Variants in INO80 observed in about 807,000 individuals in gnomAD.
INO80 encodes INO80 complex ATPase subunit.
In INO80, 20 loss-of-function variants were observed where a neutral mutation model predicts 203.4. That is an observed-to-expected ratio of 0.10 (90% CI 0.07 to 0.14). INO80 has a LOEUF of 0.14. INO80 is among the 10% of genes least tolerant of loss of function. The pLI is 1.00. For missense variants in INO80, 1,419 were observed against 1,914.4 expected (o/e 0.74, Z 4.83); for synonymous variants, 726 against 685.2 (o/e 1.06, Z -0.93).
intron 14 of INO80, among the ~76,000 whole-genome samples, chr15:41,063,207 G>A (rs1210021465): frequency 1.3e-5 from 2 of 151,598 alleles, no homozygotes; most frequent in African/African-American, 4.9e-5. Flanking sequence ...TGTGGTGGTA[G>A]GTGCCTGTTA....
chr15:41,000,296 G>C (rs1385613789), intron 28 of INO80, among the ~76,000 whole-genome samples: 1 of 152,154 alleles, frequency 6.6e-6, no homozygotes, highest in Non-Finnish European at 1.5e-5. Context: ...ATATGAGCAT[G>C]GGGTAGGCGT....
chr15:41,021,492 T>C (rs888526664), intron 25 of INO80, among the ~76,000 whole-genome samples: 3 of 152,232 alleles, frequency 2.0e-5, no homozygotes, highest in Admixed American at 6.5e-5. Context: ...ACCATATGCA[T>C]GATGGTGATG....
chr15:41,074,495 C>A lies in INO80; in HGVS notation c.1202G>T (p.Arg401Leu). 6.2e-7 allele frequency: 1 copy of A among 1,613,694 alleles called. No homozygotes were observed. ...QTELYAHFMS[R>L]KRDMGHDGIQ... ...ACCATCATGACCCATATCTCGTTTG[C>A]GACTCATGAAATGGGCATACAACTC... The change falls in exon 10 of 36, where the codon CGC becomes CTC. Residue 401 changes from arginine (R) to leucine (L), a missense_variant. Coordinates refer to ENST00000648947, the MANE Select transcript of INO80 (RefSeq NM_017553.3).
chr15:40,984,513 A>C (rs1260978342), intron 32 of INO80, among the ~76,000 whole-genome samples, 161 bp from the exon 33 acceptor site: 1 of 152,190 alleles, frequency 6.6e-6, no homozygotes, highest in Non-Finnish European at 1.5e-5. Flanking sequence ...AAGAAGGGAT[A>C]GCTTAACAGG....
chr15:41,027,763 C>G (rs1566917164), intron 24 of INO80, 27 bp from the exon 25 acceptor site: 1 of 1,543,590 alleles, frequency 6.5e-7, no homozygotes. Flanking sequence ...CAAATGAATG[C>G]CAACTATAAT....
chr15:41,041,071 C>T (rs1233281079), intron 24 of INO80, among the ~76,000 whole-genome samples: 2 of 152,100 alleles, frequency 1.3e-5, no homozygotes. Context: ...TGCCACATTC[C>T]TGCAAAGACG....
chr15:41,060,280 A>T (rs952205603), intron 14 of INO80, among the ~76,000 whole-genome samples: 2 of 152,142 alleles, frequency 1.3e-5, no homozygotes, highest in Non-Finnish European at 2.9e-5. Context: ...GAAACTGAGG[A>T]CACTTTTTCT....
intron 24 of INO80, among the ~76,000 whole-genome samples, chr15:41,041,653 G>C (rs1016799757): frequency 2.0e-5 from 3 of 151,916 alleles, no homozygotes; most frequent in Non-Finnish European, 4.4e-5. Context: ...ACATTGGCCA[G>C]GCTGGTCTTG....
At chr15:41,100,219 C>T (rs763055535) in intron 1 of INO80, among the ~76,000 whole-genome samples, 3 of 152,018 alleles carry the variant, frequency 2.0e-5, no homozygotes, top group Non-Finnish European at 4.4e-5. Flanking sequence ...GGACTACAGG[C>T]GCCTGCCACC....
chr15:41,005,442 A>C, intron 28 of INO80, 151 bp downstream of exon 28: 1 of 568,594 alleles, frequency 1.8e-6, no homozygotes, highest in Non-Finnish European at 3.1e-6. Flanking sequence ...TATGATAAGC[A>C]GATTTAGTAA....
intron 28 of INO80, among the ~76,000 whole-genome samples, chr15:41,000,946 G>A (rs2043951801): frequency 6.6e-6 from 1 of 151,912 alleles, no homozygotes; most frequent in South Asian, 2.1e-4. Flanking sequence ...GTGATGATGA[G>A]GTAGATGAAT....
At chr15:41,037,364 C>T (rs185890460) in intron 24 of INO80, among the ~76,000 whole-genome samples, 21 of 150,360 alleles carry the variant, frequency 1.4e-4, no homozygotes, top group African/African-American at 2.4e-4. Context: ...AAAAATTAGC[C>T]GGGCGTGTTG....
At chr15:41,109,659 C>T (rs188898446) in intron 1 of INO80, among the ~76,000 whole-genome samples, 53 of 151,436 alleles carry the variant, frequency 3.5e-4, no homozygotes, top group African/African-American at 1.1e-3. Flanking sequence ...ATGCCAGGTG[C>T]GGTGGCTCAC....
At chr15:41,046,306 T>G (rs112578241) in intron 23 of INO80, among the ~76,000 whole-genome samples, 32 of 133,736 alleles carry the variant, frequency 2.4e-4, no homozygotes, top group African/African-American at 8.7e-4. Context: ...CTAGGCTCAC[T>G]GCAACCTCCA....
intron 24 of INO80, 79 bp downstream of exon 24, chr15:41,044,825 C>T (rs1412411911): frequency 7.0e-7 from 1 of 1,427,266 alleles, no homozygotes; most frequent in Non-Finnish European, 9.4e-7. Context: ...CCTTCATTTA[C>T]TTTACTATTA....
chr15:41,033,176 AT>A (rs1333359769), intron 24 of INO80, among the ~76,000 whole-genome samples: 1 of 152,210 alleles, frequency 6.6e-6, no homozygotes, highest in African/African-American at 2.4e-5. Flanking sequence ...GCCAACCATC[AT>A]TTTTAATTTT....
In INO80 at chr15:40,989,029, AT is replaced by A. The variant is rs2043781119; in HGVS notation, c.3571-1056del. On this transcript the variant is annotated intron_variant, in intron 29 of 35. Transcript: ENST00000648947. Reference sequence around the variant, plus strand: ...GCCTCCGTCTCAAAAAAAAAAAAAAATTAGCCAGGTGTGGTGGCAGGCACCT... The same window carrying A: ...GCCTCCGTCTCAAAAAAAAAAAAAAATAGCCAGGTGTGGTGGCAGGCACCT... Among the ~76,000 whole-genome samples, 3 of 133,764 alleles carry A rather than the reference AT, an allele frequency of 2.2e-5. No individual in the cohort carries two copies. The South Asian group carries it at 7.4e-4, about 33-fold the overall frequency. The allele number at this position is 133,764 out of a possible 152,430, so 87.8% of individuals were successfully genotyped here.
At chr15:41,056,938 G>A (rs1355957238) in intron 16 of INO80, among the ~76,000 whole-genome samples, 1 of 152,116 alleles carries the variant, frequency 6.6e-6, no homozygotes, top group Non-Finnish European at 1.5e-5. Flanking sequence ...GAAAAAAATA[G>A]CCTCAAATAG....
At chr15:41,073,241 C>T (rs2045352651) in intron 11 of INO80, among the ~76,000 whole-genome samples, 187 bp downstream of exon 11, 1 of 152,060 alleles carries the variant, frequency 6.6e-6, no homozygotes, top group South Asian at 2.1e-4. Flanking sequence ...TTCTAGTATC[C>T]CTACTAATCT....
Sources: allele counts gnomAD v4.1 joint callset (sites outside exome capture counted in the v4.1 genomes callset), GRCh38; gene constraint gnomAD v4.1.1; transcripts MANE v1.5; gene names NCBI Gene and HGNC (gene_info 2026-07-23, HGNC 2026-07-21).